GNL3L: variants seen among roughly 807,000 people sequenced by gnomAD.
The protein encoded by GNL3L is guanine nucleotide-binding protein-like 3-like protein.
Under a neutral mutation model 42.9 loss-of-function variants are expected in GNL3L, and 4 were observed. The observed-to-expected ratio is 0.09, with a 90% confidence interval of 0.05 to 0.21. GNL3L has a LOEUF of 0.21. GNL3L is among the 10% of genes least tolerant of loss of function. The probability of loss-of-function intolerance (pLI) is 1.00; values close to 1 mark genes in which losing one functional copy is unlikely to be tolerated. For synonymous variants in GNL3L, 159 were observed against 176.3 expected (o/e 0.90, Z 0.78); for missense variants, 412 against 481.7 (o/e 0.86, Z 1.36).
At chrX:54,539,191 C>G (rs1441668117) in intron 3 of GNL3L, 90 bp downstream of exon 3, 2 of 473,869 alleles carry the variant, frequency 4.2e-6, no homozygotes, top group Non-Finnish European at 6.8e-6. Flanking sequence ...TTGGGTGACT[C>G]TGGACAGAGT....
At chrX:54,584,965 T>C (rs1268735261) in intron 16 of GNL3L, among the ~76,000 whole-genome samples, 1 of 111,616 alleles carries the variant, frequency 9.0e-6, no homozygotes, top group East Asian at 2.8e-4. Flanking sequence ...TATGTATTTT[T>C]AGTAGAGACG....
chrX:54,585,710 G>C (rs1925775324), intron 16 of GNL3L, among the ~76,000 whole-genome samples: 1 of 110,872 alleles, frequency 9.0e-6, no homozygotes, highest in South Asian at 3.7e-4. Context: ...TTTGTTGATT[G>C]TTTCTATTGT....
chrX:54,614,266 A>G lies in GNL3L; in HGVS notation c.*46-6579A>G, dbSNP rs375796488. Reference sequence around the variant, plus strand: ...CAAACGAAGGGCCTGTCTCATACCCACTGTGCCCCCACAACAGCCCCAAGT... The same window carrying G: ...CAAACGAAGGGCCTGTCTCATACCCGCTGTGCCCCCACAACAGCCCCAAGT... On this transcript the variant is annotated intron_variant, in intron 16 of 16. Coordinates refer to the GNL3L transcript ENST00000674498. Among the ~76,000 whole-genome samples the G allele has an allele frequency of 1.3e-4, 14 of 111,266 alleles. No homozygotes were observed. The East Asian group carries it at 4.0e-3, about 32-fold the overall frequency.
At chrX:54,584,359 A>C (rs1925754943) in intron 16 of GNL3L, among the ~76,000 whole-genome samples, 1 of 111,542 alleles carries the variant, frequency 9.0e-6, no homozygotes, top group Non-Finnish European at 1.9e-5. Context: ...ATTTTTATGG[A>C]TACATAATAG....
In GNL3L at chrX:54,564,143, T is replaced by C. The variant is rs1470226002; in HGVS notation, c.*3541T>C. Among the ~76,000 whole-genome samples the C allele has an allele frequency of 9.0e-6, 1 of 111,210 alleles. No homozygotes were observed. The highest frequency in any genetic ancestry group is 1.9e-5 in the Non-Finnish European group (1 of 53,123). The stretch of plus-strand genomic sequence containing the variant: ...TGCTTTAGTATGACTGTCATATCAA[T>C]AGAATCATACAATGAGTAGGCTTAT... On this transcript the variant is annotated 3_prime_UTR_variant, in exon 16 of 16. Transcript: ENST00000360845.
intron 16 of GNL3L, among the ~76,000 whole-genome samples, chrX:54,602,542 C>G (rs1001265640): frequency 1.6e-4 from 18 of 111,061 alleles, no homozygotes; most frequent in African/African-American, 5.9e-4. Flanking sequence ...CTTTTTAGTG[C>G]AAACAGGACC....
the GNL3L span, among the ~76,000 whole-genome samples, chrX:54,634,778 C>T: frequency 1.1e-5 from 1 of 93,012 alleles, no homozygotes; most frequent in Admixed American, 1.2e-4. Flanking sequence ...TGAACCACTG[C>T]GCCCGGCTCT....
At chrX:54,607,089 CTTTCT>C (rs1926100740) in intron 16 of GNL3L, among the ~76,000 whole-genome samples, 2 of 43,905 alleles carry the variant, frequency 4.6e-5, no homozygotes, top group African/African-American at 2.3e-4. Flanking sequence ...TTTCTTCTTT[CTTTCT>C]TTCTTTCTTT....
the GNL3L span, among the ~76,000 whole-genome samples, chrX:54,636,915 A>T: frequency 1.2e-4 from 13 of 111,863 alleles, no homozygotes; most frequent in Admixed American, 1.1e-3. Context: ...GCTCAGTCAA[A>T]TGGTAGCTCT....
chrX:54,633,885 C>T, the GNL3L span, among the ~76,000 whole-genome samples: 1 of 113,005 alleles, frequency 8.8e-6, no homozygotes, highest in Admixed American at 9.3e-5. Context: ...CTCCTTCCTG[C>T]CTTCTGCAGC....
intron 16 of GNL3L, among the ~76,000 whole-genome samples, chrX:54,607,791 G>C (rs1602007398): frequency 9.0e-6 from 1 of 111,686 alleles, no homozygotes; most frequent in East Asian, 2.8e-4. Flanking sequence ...ATTTACATGA[G>C]GAGTCATGTA....
At chrX:54,624,943 G>T (rs141163402), downstream of GNL3L, among the ~76,000 whole-genome samples, 1 of 111,470 alleles carries the variant, frequency 9.0e-6, no homozygotes, top group Non-Finnish European at 1.9e-5. Flanking sequence ...TAAGGCTATA[G>T]TAAATACTTA....
intron 14 of GNL3L, among the ~76,000 whole-genome samples, chrX:54,557,461 G>A (rs939194386): frequency 9.1e-6 from 1 of 109,704 alleles, no homozygotes; most frequent in African/African-American, 3.3e-5. Context: ...TTGAGACAGG[G>A]TCTTGCTCTG....
At chrX:54,535,959 G>C (rs1448555715) in intron 2 of GNL3L, among the ~76,000 whole-genome samples, 1 of 105,266 alleles carries the variant, frequency 9.5e-6, no homozygotes, top group Admixed American at 1.0e-4. Flanking sequence ...CAAGAGTCTT[G>C]CTGTGTTGCC....
At chrX:54,597,712 A>G (rs1303580183) in intron 16 of GNL3L, among the ~76,000 whole-genome samples, 1 of 111,218 alleles carries the variant, frequency 9.0e-6, no homozygotes, top group Non-Finnish European at 1.9e-5. Flanking sequence ...GCTTGCAGGA[A>G]CTCAAATTCT....
chrX:54,583,279 G>A (rs1391489098), intron 16 of GNL3L, among the ~76,000 whole-genome samples: 1 of 110,419 alleles, frequency 9.1e-6, no homozygotes, highest in Non-Finnish European at 1.9e-5. Flanking sequence ...TGCAACCTCC[G>A]CCTCCTGGGT....
At chrX:54,624,668 T>C (rs1279802367), downstream of GNL3L, among the ~76,000 whole-genome samples, 7 of 109,539 alleles carry the variant, frequency 6.4e-5, no homozygotes, top group African/African-American at 2.0e-4. Context: ...CTCAAACTCC[T>C]GACCTCAGGT....
At chrX:54,548,158 G>A in intron 8 of GNL3L, 71 bp from the exon 9 acceptor site, 2 of 897,556 alleles carry the variant, frequency 2.2e-6, no homozygotes, top group Non-Finnish European at 3.2e-6. Context: ...GGCCCTGAAA[G>A]TTGGAAATCT....
intron 4 of GNL3L, among the ~76,000 whole-genome samples, 154 bp from the exon 5 acceptor site, chrX:54,541,119 C>G (rs185753143): frequency 5.1e-4 from 57 of 111,442 alleles, no homozygotes; most frequent in African/African-American, 1.9e-3. Context: ...TTCTTCTTCT[C>G]AAACCCTCAT....
Sources: gnomAD v4.1 joint callset for allele counts (sites outside exome capture counted in the v4.1 genomes callset) on GRCh38, gnomAD v4.1.1 for gene constraint, MANE v1.5 for transcripts, NCBI Gene and HGNC (gene_info 2026-07-23, HGNC 2026-07-21) for gene names.